Variants in GPHN observed in about 807,000 individuals in gnomAD.
GPHN encodes the protein gephyrin.
GPHN carries 17 observed loss-of-function variants against 95.5 expected under a neutral mutation model. The observed-to-expected ratio is 0.18, with a 90% confidence interval of 0.12 to 0.27. The LOEUF (loss-of-function observed/expected upper bound fraction) is 0.27, where lower values mean the gene tolerates loss of function less well. GPHN is among the 10% of genes least tolerant of loss of function. The pLI is 1.00. For missense variants in GPHN, 660 were observed against 978.1 expected (o/e 0.67, Z 4.34); for synonymous variants, 320 against 322.5 (o/e 0.99, Z 0.08).
At chr14:67,695,804 G>A in the GPHN span, 2 of 1,114,568 alleles carry the variant, frequency 1.8e-6, no homozygotes, top group African/African-American at 3.1e-5. Flanking sequence ...GCGACAGCCC[G>A]GGGAGCAGAC....
the GPHN span, among the ~76,000 whole-genome samples, chr14:67,710,235 C>T: frequency 6.6e-6 from 1 of 152,194 alleles, no homozygotes; most frequent in Admixed American, 6.5e-5. Flanking sequence ...CGTCCTCAAA[C>T]TTGGCAAAAT....
At chr14:67,119,364 A>G (rs1320086033) in intron 16 of GPHN, among the ~76,000 whole-genome samples, 1 of 152,244 alleles carries the variant, frequency 6.6e-6, no homozygotes, top group Non-Finnish European at 1.5e-5. Context: ...GACATAATGT[A>G]ATGAATGTCT....
the GPHN span, chr14:67,729,153 A>G: frequency 3.8e-6 from 6 of 1,599,914 alleles, no homozygotes; most frequent in Non-Finnish European, 5.1e-6. Context: ...CTGGGCTCAG[A>G]GTGTGTCCCT....
At chr14:66,575,332 G>A (rs2140406076) in intron 1 of GPHN, among the ~76,000 whole-genome samples, 1 of 152,212 alleles carries the variant, frequency 6.6e-6, no homozygotes, top group East Asian at 1.9e-4. Flanking sequence ...CTTGTATGTG[G>A]TAGGCATTTT....
At chr14:67,200,551 TA>T in the GPHN span, 156 of 235,280 alleles carry the variant, frequency 6.6e-4, no homozygotes, top group South Asian at 8.8e-4. Flanking sequence ...ACTCCTTGTT[TA>T]AAAAAAAATG....
intron 4 of GPHN, among the ~76,000 whole-genome samples, chr14:66,844,912 A>G (rs982861317): frequency 1.3e-5 from 2 of 152,032 alleles, no homozygotes; most frequent in Non-Finnish European, 2.9e-5. Flanking sequence ...GTAAACTATA[A>G]TCTACTTTCT....
the GPHN span, chr14:67,387,472 G>T: frequency 6.3e-7 from 1 of 1,594,262 alleles, no homozygotes; most frequent in Non-Finnish European, 8.5e-7. Context: ...CAGAAAAAAG[G>T]GGGAAAAAAA....
intron 13 of GPHN, among the ~76,000 whole-genome samples, chr14:67,107,136 A>G (rs746204300): frequency 3.3e-5 from 5 of 152,154 alleles, no homozygotes; most frequent in Non-Finnish European, 5.9e-5. Flanking sequence ...TGTCAGTGGT[A>G]GTAGTGGCAT....
At chr14:66,574,226 T>A (rs934418139) in intron 1 of GPHN, among the ~76,000 whole-genome samples, 5 of 152,244 alleles carry the variant, frequency 3.3e-5, no homozygotes, top group African/African-American at 1.2e-4. Flanking sequence ...CTTGTCACTC[T>A]AACAGATTAT....
chr14:67,022,644 C>T (rs1252670244), intron 9 of GPHN, among the ~76,000 whole-genome samples: 4 of 107,196 alleles, frequency 3.7e-5, no homozygotes, highest in Non-Finnish European at 5.5e-5. Flanking sequence ...TTTTTATTGC[C>T]GTTTTTTTAA....
In GPHN at chr14:67,180,819, G is replaced by C. The variant is rs142608987; in HGVS notation, c.2192G>C (p.Ser731Thr). 1.3e-4 allele frequency: 213 copies of C among 1,613,720 alleles called. No homozygotes were observed. In the African/African-American group the frequency reaches 2.5e-3, roughly 19 times the overall value. The change falls in exon 23 of 23, where the codon AGC becomes ACC. Residue 731 changes from serine (S) to threonine (T), a missense_variant. Ser to Thr is a moderately conservative substitution (Grantham distance 58). Transcript: ENST00000478722. ...WAQSTGNQMS[S>T]RLMSMRSANG... Reference sequence around the variant, plus strand: ...TTCTTTCTAGGTAATCAAATGAGCAGCCGTCTGATGAGCATGCGCAGTGCC... The same window carrying C: ...TTCTTTCTAGGTAATCAAATGAGCACCCGTCTGATGAGCATGCGCAGTGCC...
chr14:66,641,696 A>G (rs574174790), intron 1 of GPHN, among the ~76,000 whole-genome samples: 1 of 152,168 alleles, frequency 6.6e-6, no homozygotes, highest in South Asian at 2.1e-4. Flanking sequence ...TTTTACAGCA[A>G]GAGTAATAAG....
At chr14:67,406,682 G>A in the GPHN span, among the ~76,000 whole-genome samples, 8 of 152,194 alleles carry the variant, frequency 5.3e-5, no homozygotes, top group South Asian at 8.3e-4. Flanking sequence ...ATAGCCAAAG[G>A]AAGCAGGTGA....
the GPHN span, chr14:67,225,116 A>C: frequency 1.3e-6 from 2 of 1,564,678 alleles, no homozygotes; most frequent in Non-Finnish European, 1.7e-6. Context: ...TTTTCCCTCT[A>C]GTTCTCTCCC....
At chr14:66,533,821 T>A (rs1430816466) in intron 1 of GPHN, among the ~76,000 whole-genome samples, 3 of 152,222 alleles carry the variant, frequency 2.0e-5, no homozygotes, top group Admixed American at 1.3e-4. Context: ...CTTAGGTGAC[T>A]ATCTGGTAAT....
chr14:67,231,913 G>A, the GPHN span, among the ~76,000 whole-genome samples: 1 of 151,128 alleles, frequency 6.6e-6, no homozygotes, highest in Non-Finnish European at 1.5e-5. Context: ...AGGTTGCAGT[G>A]AGCTGAGATC....
chr14:66,724,472 CT>C (rs2153429938), intron 2 of GPHN, among the ~76,000 whole-genome samples: 1 of 152,236 alleles, frequency 6.6e-6, no homozygotes, highest in East Asian at 1.9e-4. Context: ...AGCAGACCCC[CT>C]GAAGCCCTTG....
At chr14:66,875,879 C>G (rs904022315) in intron 4 of GPHN, among the ~76,000 whole-genome samples, 1 of 151,970 alleles carries the variant, frequency 6.6e-6, no homozygotes, top group Non-Finnish European at 1.5e-5. Flanking sequence ...TTAGGACTTA[C>G]ACTCAGCTCT....
intron 12 of GPHN, 58 bp downstream of exon 12, chr14:67,089,133 C>CTTTTTTTTTTTTTTT (rs1163483546): frequency 7.4e-4 from 148 of 200,404 alleles, no homozygotes; most frequent in Non-Finnish European, 7.9e-4. Context: ...TTCTTTTTTT[C>CTTTTTTTTTTTTTTT]TTTTTTTTTT....
Sources: allele counts gnomAD v4.1 joint callset (sites outside exome capture counted in the v4.1 genomes callset), GRCh38; gene constraint gnomAD v4.1.1; transcripts MANE v1.5; gene names NCBI Gene and HGNC (gene_info 2026-07-23, HGNC 2026-07-21).